The following RSRC1 variants were observed in gnomAD, a reference collection of about 807,000 sequenced individuals.
The protein encoded by RSRC1 is serine/Arginine-related protein 53.
In RSRC1, 39 loss-of-function variants were observed where a neutral mutation model predicts 49.1. That is an observed-to-expected ratio of 0.79 (90% CI 0.61 to 1.04). The LOEUF (loss-of-function observed/expected upper bound fraction) is 1.04, where lower values mean the gene tolerates loss of function less well. Among genes scored for constraint, RSRC1 ranks in the 50% least tolerant of loss-of-function variants. The probability of loss-of-function intolerance (pLI) is 0.00; values close to 1 mark genes in which losing one functional copy is unlikely to be tolerated. For missense variants in RSRC1, 388 were observed against 402.4 expected (o/e 0.96, Z 0.31); for synonymous variants, 143 against 130.8 (o/e 1.09, Z -0.63).
intron 6 of RSRC1, among the ~76,000 whole-genome samples, chr3:158,369,784 A>T (rs1368694619): frequency 6.6e-6 from 1 of 152,060 alleles, no homozygotes; most frequent in Non-Finnish European, 1.5e-5. Context: ...ATTTCTTTGA[A>T]TTTTGTTTAG....
chr3:158,128,664 T>A (rs1483478514), intron 3 of RSRC1, among the ~76,000 whole-genome samples: 1 of 152,214 alleles, frequency 6.6e-6, no homozygotes, highest in Non-Finnish European at 1.5e-5. Flanking sequence ...GTAACTAGAT[T>A]ATAAATCTTA....
intron 4 of RSRC1, among the ~76,000 whole-genome samples, chr3:158,288,842 C>G (rs908165657): frequency 2.1e-5 from 2 of 95,218 alleles, no homozygotes; most frequent in African/African-American, 8.5e-5. Context: ...CCCGCCCCCC[C>G]CCCCCCCAAA....
intron 4 of RSRC1, among the ~76,000 whole-genome samples, chr3:158,253,594 T>C (rs1724351379): frequency 6.6e-6 from 1 of 152,150 alleles, no homozygotes; most frequent in Admixed American, 6.6e-5. Context: ...TCCTGGATAG[T>C]GCACATAAGT....
chr3:158,501,885 C>A (rs1279784922), intron 7 of RSRC1, among the ~76,000 whole-genome samples: 1 of 152,112 alleles, frequency 6.6e-6, no homozygotes, highest in Non-Finnish European at 1.5e-5. Context: ...CAGTTGCATT[C>A]ATTGTGCTAT....
intron 7 of RSRC1, among the ~76,000 whole-genome samples, chr3:158,488,553 T>C (rs758088965): frequency 9.8e-5 from 15 of 152,300 alleles, no homozygotes; most frequent in Non-Finnish European, 1.9e-4. Flanking sequence ...TTTTAGACAT[T>C]AAAGAAGAGC....
chr3:158,224,541 T>C (rs1722412551), intron 4 of RSRC1, among the ~76,000 whole-genome samples: 1 of 151,848 alleles, frequency 6.6e-6, no homozygotes, highest in South Asian at 2.1e-4. Context: ...ATTTCTTTTG[T>C]GAAAAGAGTG....
At chr3:158,163,487 C>G (rs1159347199) in intron 3 of RSRC1, among the ~76,000 whole-genome samples, 1 of 152,086 alleles carries the variant, frequency 6.6e-6, no homozygotes, top group Non-Finnish European at 1.5e-5. Context: ...ATAGGTACAG[C>G]AAAACTACTG....
At chr3:158,448,918 G>A in intron 6 of RSRC1, among the ~76,000 whole-genome samples, 1 of 151,836 alleles carries the variant, frequency 6.6e-6, no homozygotes, top group East Asian at 1.9e-4. Context: ...TACAAAAGGG[G>A]ATTTGATGTA....
At chr3:158,178,302 C>A (rs367888163) in intron 3 of RSRC1, among the ~76,000 whole-genome samples, 6 of 152,172 alleles carry the variant, frequency 3.9e-5, no homozygotes, top group Admixed American at 1.3e-4. Context: ...CCACGCCCAG[C>A]AAATTTTTGT....
chr3:158,404,702 C>T (rs966926564), intron 6 of RSRC1, among the ~76,000 whole-genome samples: 2 of 151,788 alleles, frequency 1.3e-5, no homozygotes, highest in Non-Finnish European at 2.9e-5. Flanking sequence ...ATGTGATAAT[C>T]CTGAAGTTAT....
chr3:158,516,094 A>T (rs1358805506), intron 7 of RSRC1, among the ~76,000 whole-genome samples: 1 of 152,146 alleles, frequency 6.6e-6, no homozygotes, highest in African/African-American at 2.4e-5. Context: ...TTCTTCTCTC[A>T]GCTCGTCAAA....
chr3:158,514,184 T>C (rs1308576793), intron 7 of RSRC1, among the ~76,000 whole-genome samples: 1 of 152,174 alleles, frequency 6.6e-6, no homozygotes, highest in African/African-American at 2.4e-5. Flanking sequence ...CCTCTTGCTT[T>C]TCTTGTTCTT....
intron 4 of RSRC1, among the ~76,000 whole-genome samples, chr3:158,244,861 T>C (rs1394686091): frequency 2.0e-5 from 3 of 152,086 alleles, no homozygotes; most frequent in Non-Finnish European, 1.5e-5. Context: ...TTGGACGATA[T>C]ACGTGTTCAA....
At chr3:158,307,010 C>T (rs1311750612) in intron 5 of RSRC1, among the ~76,000 whole-genome samples, 1 of 151,198 alleles carries the variant, frequency 6.6e-6, no homozygotes. Context: ...TGGGGAGGGA[C>T]TTCACTTATT....
intron 6 of RSRC1, among the ~76,000 whole-genome samples, chr3:158,360,964 C>T (rs1731433283): frequency 6.6e-6 from 1 of 152,168 alleles, no homozygotes; most frequent in Non-Finnish European, 1.5e-5. Flanking sequence ...GTTCCAGGTT[C>T]TCACTGGGCC....
chr3:158,120,698 T>A (rs1715197186), intron 1 of RSRC1, among the ~76,000 whole-genome samples: 2 of 147,516 alleles, frequency 1.4e-5, no homozygotes, highest in African/African-American at 2.5e-5. Flanking sequence ...TATATATATA[T>A]AAATATATTC....
intron 1 of RSRC1, among the ~76,000 whole-genome samples, chr3:158,120,458 A>G (rs1011228747): frequency 6.6e-6 from 1 of 151,020 alleles, no homozygotes; most frequent in Non-Finnish European, 1.5e-5. Flanking sequence ...CAGTAATTTA[A>G]CATATTATAA....
At chr3:158,538,941 G>T (rs984355343) in intron 8 of RSRC1, among the ~76,000 whole-genome samples, 2 of 151,920 alleles carry the variant, frequency 1.3e-5, no homozygotes, top group Non-Finnish European at 2.9e-5. Context: ...TCCCTTCCTA[G>T]ATTCTAAAAT....
intron 3 of RSRC1, among the ~76,000 whole-genome samples, chr3:158,164,080 T>C (rs1718400242): frequency 6.6e-6 from 1 of 152,168 alleles, no homozygotes; most frequent in African/African-American, 2.4e-5. Context: ...GAAAAATTTA[T>C]CCTCAAAATT....
Sources: allele counts gnomAD v4.1 joint callset (sites outside exome capture counted in the v4.1 genomes callset), GRCh38; gene constraint gnomAD v4.1.1; transcripts MANE v1.5; gene names NCBI Gene and HGNC (gene_info 2026-07-23, HGNC 2026-07-21).